The following ROBO2 variants were observed in gnomAD, a reference collection of about 807,000 sequenced individuals.
The protein encoded by ROBO2 is roundabout homolog 2.
ROBO2 carries 53 observed loss-of-function variants against 160.8 expected under a neutral mutation model. The observed-to-expected ratio is 0.33, with a 90% CI of 0.26 to 0.41. The LOEUF (loss-of-function observed/expected upper bound fraction) is 0.41. Ranked by LOEUF, ROBO2 falls within the 10% of genes least tolerant of loss-of-function variation. The pLI is 1.00. For synonymous variants in ROBO2, 664 were observed against 611.7 expected, an observed-to-expected ratio of 1.09 and a Z score of -1.26; for missense variants, 1,577 against 1,722.4, an observed-to-expected ratio of 0.92 and a Z score of 1.49.
At chr3:76,427,409 T>G (rs6805440) in intron 2 of ROBO2, among the ~76,000 whole-genome samples, 108,004 of 151,964 alleles carry the variant, frequency 0.71, 39,017 homozygotes, top group African/African-American at 0.85. Flanking sequence ...ATGTTGAGCA[T>G]ACAATGGAGG....
intron 4 of ROBO2, among the ~76,000 whole-genome samples, chr3:77,481,815 A>G (rs1014265923): frequency 8.5e-5 from 13 of 152,176 alleles, no homozygotes; most frequent in Admixed American, 3.3e-4. Context: ...TAGGTTAAAA[A>G]CTGACTAGAA....
At chr3:76,515,070 C>T (rs764748896) in intron 2 of ROBO2, among the ~76,000 whole-genome samples, 2 of 152,182 alleles carry the variant, frequency 1.3e-5, no homozygotes, top group Non-Finnish European at 2.9e-5. Flanking sequence ...TGTGCTGTTT[C>T]TCTCTGACCT....
exon 17 of ROBO2, chr3:77,588,921 A>G: frequency 6.2e-7 from 1 of 1,613,378 alleles, no homozygotes; most frequent in Non-Finnish European, 8.5e-7. Context: ...GAAGGGACTC[A>G]GTAATTATGC....
chr3:77,526,560 C>T (rs868067950), intron 6 of ROBO2, among the ~76,000 whole-genome samples: 1 of 151,254 alleles, frequency 6.6e-6, no homozygotes, highest in African/African-American at 2.4e-5. Flanking sequence ...AATGGTTTAC[C>T]GTCTAAATTG....
At chr3:77,381,771 G>A (rs2073502600) in intron 2 of ROBO2, among the ~76,000 whole-genome samples, 1 of 152,198 alleles carries the variant, frequency 6.6e-6, no homozygotes, top group Admixed American at 6.5e-5. Flanking sequence ...ACATATGTGA[G>A]CACTTGGTTG....
chr3:77,180,416 C>CTCTCTATATATATATATATATATA lies in ROBO2; in HGVS notation c.388+82077_388+82078insCTCTATATATATATATATATATAT, dbSNP rs1433740534. ...TCTCTCTCTCTCTCTCTCTCTCTCT[C>CTCTCTATATATATATATATATATA]TATATATATATATATGTATTTTTTT... On this transcript the variant is annotated intron_variant, in intron 2 of 25. Transcript: ENST00000461745. Among the ~76,000 whole-genome samples the CTCTCTATATATATATATATATATA allele has an allele frequency of 4.2e-3, 379 of 90,602 alleles. 2 individuals are homozygous for CTCTCTATATATATATATATATATA. The highest frequency in any genetic ancestry group is 6.9e-3 in the Non-Finnish European group (303 of 43,810). The allele number at this position is 90,602 out of a possible 152,430, so 59.4% of individuals were successfully genotyped here.
chr3:77,401,466 G>A (rs546173312), intron 2 of ROBO2, among the ~76,000 whole-genome samples: 130 of 152,180 alleles, frequency 8.5e-4, no homozygotes, highest in African/African-American at 3.1e-3. Flanking sequence ...AATGCTTCTT[G>A]AATTAGATTT....
chr3:76,570,068 G>A (rs1308477997), intron 2 of ROBO2, among the ~76,000 whole-genome samples: 4 of 152,140 alleles, frequency 2.6e-5, no homozygotes, highest in Admixed American at 1.3e-4. Flanking sequence ...CCAGGAGATC[G>A]AGGCTGCAGT....
intron 2 of ROBO2, among the ~76,000 whole-genome samples, chr3:77,344,615 T>C (rs1429103705): frequency 1.3e-5 from 2 of 152,134 alleles, no homozygotes; most frequent in Admixed American, 6.6e-5. Flanking sequence ...CACCAGAAGG[T>C]ATAAGAGATG....
chr3:76,136,631 A>G (rs2071438631), intron 2 of ROBO2, among the ~76,000 whole-genome samples: 1 of 152,026 alleles, frequency 6.6e-6, no homozygotes, highest in Admixed American at 6.6e-5. Flanking sequence ...TAAGTACTTA[A>G]CTTTGCATTT....
intron 2 of ROBO2, among the ~76,000 whole-genome samples, chr3:76,576,165 T>C (rs1321337847): frequency 2.0e-5 from 3 of 152,114 alleles, no homozygotes; most frequent in Admixed American, 2.0e-4. Flanking sequence ...TAAAAGTAGC[T>C]GTCATGAGAA....
chr3:77,331,805 A>G (rs2065991782), intron 2 of ROBO2, among the ~76,000 whole-genome samples: 1 of 152,132 alleles, frequency 6.6e-6, no homozygotes, highest in Non-Finnish European at 1.5e-5. Flanking sequence ...ATCCAGGTTC[A>G]AGCGATTCTC....
chr3:76,035,694 G>A (rs1485539605), intron 2 of ROBO2, among the ~76,000 whole-genome samples: 3 of 152,048 alleles, frequency 2.0e-5, no homozygotes, highest in Non-Finnish European at 4.4e-5. Flanking sequence ...ATTGCACCGA[G>A]TATGTTTTGC....
intron 2 of ROBO2, among the ~76,000 whole-genome samples, chr3:76,699,261 T>A (rs1355475614): frequency 8.3e-4 from 126 of 152,298 alleles, no homozygotes; most frequent in Non-Finnish European, 1.4e-3. Flanking sequence ...ATCTGCTGTT[T>A]ATCCAGGTCT....
chr3:77,028,121 A>G (rs192451701), intron 2 of ROBO2, among the ~76,000 whole-genome samples: 7 of 152,004 alleles, frequency 4.6e-5, no homozygotes, highest in Admixed American at 4.6e-4. Flanking sequence ...TGGCAAATCA[A>G]CAAGGAATTG....
chr3:77,124,891 TTTC>T (rs2075167445), intron 2 of ROBO2, among the ~76,000 whole-genome samples: 1 of 152,056 alleles, frequency 6.6e-6, no homozygotes, highest in African/African-American at 2.4e-5. Context: ...TCTCCCTTTC[TTTC>T]TTTTTTCCCC....
intron 2 of ROBO2, among the ~76,000 whole-genome samples, chr3:77,318,331 G>T (rs2064288902): frequency 1.3e-5 from 2 of 152,190 alleles, no homozygotes; most frequent in Admixed American, 1.3e-4. Context: ...ACCACGCCCA[G>T]CTAGTAATGT....
upstream of ROBO2, among the ~76,000 whole-genome samples, chr3:77,035,927 C>T (rs963038048): frequency 2.6e-5 from 4 of 151,824 alleles, no homozygotes; most frequent in Non-Finnish European, 4.4e-5. Context: ...TAGAAAAATT[C>T]GAGCTGAGCA....
rs1211459364 is a variant in ROBO2, at chr3:76,535,092, T to A, written c.110-562922T>A. 2.0e-5 allele frequency among the ~76,000 whole-genome samples: 3 copies of A among 151,880 alleles called. No homozygotes were observed. The East Asian group carries it at 5.9e-4, about 30-fold the overall frequency. Reference sequence around the variant, plus strand: ...AGTCCAAGTAAAGGCGAAAAGAGGCTGGGAGGAGGGATGCAAGGGGTTGGT... The same window carrying A: ...AGTCCAAGTAAAGGCGAAAAGAGGCAGGGAGGAGGGATGCAAGGGGTTGGT... On this transcript the variant is annotated intron_variant, in intron 2 of 26. Transcript: ENST00000487694.
Sources: gnomAD v4.1 joint callset for allele counts (sites outside exome capture counted in the v4.1 genomes callset) on GRCh38, gnomAD v4.1.1 for gene constraint, MANE v1.5 for transcripts, NCBI Gene and HGNC (gene_info 2026-07-23, HGNC 2026-07-21) for gene names.